The following DST variants were observed in gnomAD, a reference collection of about 807,000 sequenced individuals.
The protein encoded by DST is dystonin.
In DST, 253 loss-of-function variants were observed where a neutral mutation model predicts 875.2. The observed-to-expected ratio is 0.29, with a 90% CI of 0.26 to 0.32. The LOEUF (loss-of-function observed/expected upper bound fraction) is 0.32. Ranked by LOEUF, DST falls within the 10% of genes least tolerant of loss-of-function variation. The pLI, the probability that DST is intolerant of heterozygous loss-of-function variation, is 1.00. For synonymous variants in DST, 3,124 were observed against 3,197.1 expected, an observed-to-expected ratio of 0.98 and a Z score of 0.77; for missense variants, 8,287 against 9,111.6, an observed-to-expected ratio of 0.91 and a Z score of 3.68.
intron 17 of DST, among the ~76,000 whole-genome samples, chr6:56,641,607 C>A (rs565333880): frequency 6.6e-6 from 1 of 152,054 alleles, no homozygotes. Context: ...AAAACAGACA[C>A]TTTTCTTAGA....
intron 66 of DST, 40 bp downstream of exon 66, chr6:56,529,408 G>T: frequency 7.3e-7 from 1 of 1,361,280 alleles, no homozygotes; most frequent in South Asian, 1.9e-5. Context: ...AATGACAATT[G>T]AAATGAAAAA....
At chr6:56,463,903 C>T (rs760990124) in intron 100 of DST, 139 bp from the exon 101 acceptor site, 16 of 894,774 alleles carry the variant, frequency 1.8e-5, no homozygotes, top group African/African-American at 3.3e-5. Flanking sequence ...CATGCCAACT[C>T]CAACTCAGCA....
At chr6:56,845,503 T>C (rs1306349717) in intron 4 of DST, among the ~76,000 whole-genome samples, 1 of 152,258 alleles carries the variant, frequency 6.6e-6, no homozygotes, top group Non-Finnish European at 1.5e-5. Context: ...AATCTGAGTT[T>C]GAACCACTGT....
In DST at chr6:56,497,417, A is replaced by G. The variant is rs1358718257; in HGVS notation, c.20185T>C (p.Leu6729=). Residue 6729 remains leucine, a synonymous_variant, in exon 82 of 104, where the codon TTA becomes CTA. Transcript: ENST00000680361. The part of the protein sequence containing the change: ...HLLASKPLGG[L]PETAKEQLNV... Reference sequence around the variant, plus strand: ...AGCTGCTCCTTGGCTGTTTCCGGTAAACCTCCCAGCGGTTTAGATGCCAAC... The same window carrying G: ...AGCTGCTCCTTGGCTGTTTCCGGTAGACCTCCCAGCGGTTTAGATGCCAAC... 6.2e-7 allele frequency: 1 copy of G among 1,613,084 alleles called. No individual in the cohort carries two copies.
In DST at chr6:56,628,918, G is replaced by A. The variant is rs182717167; in HGVS notation, c.4475+332C>T. Among the ~76,000 whole-genome samples, 4 of 152,248 alleles carry A rather than the reference G, an allele frequency of 2.6e-5. No homozygotes were observed. The East Asian group carries it at 7.7e-4, about 29-fold the overall frequency. ...CTACACACAGCCCTATCACATGCATGCTTCATGCTCTTACTAAGTCATGGT... is the reference window on the plus strand; with the variant it reads ...CTACACACAGCCCTATCACATGCATACTTCATGCTCTTACTAAGTCATGGT... On this transcript the variant is annotated intron_variant, in intron 32 of 103. Transcript: ENST00000680361.
chr6:56,568,484 C>T lies in DST; in HGVS notation c.13990G>A (p.Ala4664Thr), dbSNP rs758278474. 8 of 1,603,606 alleles carry T rather than the reference C, an allele frequency of 5.0e-6. No homozygotes were observed. The East Asian group carries it at 1.6e-4, about 32-fold the overall frequency. Residue 4664 changes from alanine to threonine, a missense_variant, in exon 55 of 104, where the codon GCA becomes ACA. Physicochemically the swap from Ala to Thr is moderately conservative, Grantham distance 58. This residue lies in a region of DST where 1,513 missense variants were observed against 1,677.8 expected (regional missense o/e 0.90). Coordinates refer to ENST00000680361, the MANE Select transcript of DST (RefSeq NM_001374736.1). ...AAGCTCATACCTGATTTAACTGCTGCTATTGCCTTTGCAGGGGTGGTCACA... is the reference window on the plus strand; with the variant it reads ...AAGCTCATACCTGATTTAACTGCTGTTATTGCCTTTGCAGGGGTGGTCACA... ...SAVTTPAKAI[A>T]AVKSGGAVLN...
chr6:56,943,854 C>T (rs151032580), intron 2 of DST, among the ~76,000 whole-genome samples: 74 of 152,160 alleles, frequency 4.9e-4, no homozygotes, highest in African/African-American at 1.6e-3. Context: ...GAGTGGCTCA[C>T]GCATGTAATC....
chr6:56,735,097 C>A lies in DST; in HGVS notation c.687+131G>T, dbSNP rs2099518131. 5 of 709,308 alleles carry A rather than the reference C, an allele frequency of 7.0e-6. No individual in the cohort carries two copies. In the Middle Eastern group the frequency reaches 7.5e-4, roughly 106 times the overall value. 43.9% of individuals were successfully genotyped at this position (709,308 alleles called of 1,614,324 possible). Reference sequence around the variant, plus strand: ...TAATTATAGATGCCTAAAATGCATGCAAAATTCTCTAGAATTTAAACTTTC... The same window carrying A: ...TAATTATAGATGCCTAAAATGCATGAAAAATTCTCTAGAATTTAAACTTTC... On this transcript the variant is annotated intron_variant, in intron 5 of 103. Coordinates refer to ENST00000680361, the MANE Select transcript of DST (RefSeq NM_001374736.1).
intron 55 of DST, among the ~76,000 whole-genome samples, chr6:56,565,892 C>T (rs113512537): frequency 0.039 from 5,866 of 152,258 alleles, 386 homozygotes; most frequent in African/African-American, 0.13. Flanking sequence ...AGATGTCCTG[C>T]CCAAAGAGGA....
chr6:56,614,027 A>G (rs985049258), intron 37 of DST, among the ~76,000 whole-genome samples: 6 of 152,226 alleles, frequency 3.9e-5, no homozygotes, highest in Non-Finnish European at 8.8e-5. Flanking sequence ...TACTCTAGAC[A>G]TAAAACAGAA....
At chr6:56,633,115 T>C in intron 27 of DST, 78 bp from the exon 28 acceptor site, 2 of 1,112,564 alleles carry the variant, frequency 1.8e-6, no homozygotes, top group South Asian at 1.2e-5. Flanking sequence ...ACTGGTCGTG[T>C]GGTATATGCC....
chr6:56,493,149 C>T (rs1257697280), intron 83 of DST, 60 bp from the exon 84 acceptor site: 2 of 1,483,712 alleles, frequency 1.3e-6, no homozygotes, highest in Non-Finnish European at 1.8e-6. Flanking sequence ...TTGTTTGTTT[C>T]AGTTTAAATA....
chr6:56,507,564 C>A (rs1562442046), intron 75 of DST, among the ~76,000 whole-genome samples: 1 of 152,104 alleles, frequency 6.6e-6, no homozygotes, highest in Non-Finnish European at 1.5e-5. Flanking sequence ...GGGTAATGAT[C>A]CAACTGAACC....
At chr6:56,543,198 T>C (rs1230748024) in intron 61 of DST, among the ~76,000 whole-genome samples, 2 of 152,196 alleles carry the variant, frequency 1.3e-5, no homozygotes. Context: ...GGGGGCTACA[T>C]AGGTCCCTAT....
At chr6:56,506,580 A>G (rs372691008) in intron 76 of DST, 36 bp from the exon 77 acceptor site, 1 of 1,608,198 alleles carries the variant, frequency 6.2e-7, no homozygotes, top group African/African-American at 1.3e-5. Flanking sequence ...TTAGTGCCAT[A>G]TTTTAAACTT....
intron 5 of DST, among the ~76,000 whole-genome samples, chr6:56,728,189 C>T (rs1340572881): frequency 2.0e-5 from 3 of 152,146 alleles, no homozygotes; most frequent in Admixed American, 6.5e-5. Flanking sequence ...AGATAGTTCA[C>T]AATTTTATCA....
intron 2 of DST, among the ~76,000 whole-genome samples, chr6:56,925,426 A>AGCCAG (rs1806528963): frequency 6.6e-6 from 1 of 152,256 alleles, no homozygotes; most frequent in Non-Finnish European, 1.5e-5. Context: ...CAGGAGTTAA[A>AGCCAG]GCACACTCTG....
intron 10 of DST, among the ~76,000 whole-genome samples, chr6:56,660,988 A>G (rs2099037953): frequency 1.3e-5 from 2 of 151,916 alleles, no homozygotes; most frequent in South Asian, 4.1e-4. Context: ...CTCACTTCAC[A>G]AAGAACAATC....
chr6:56,619,692 T>C, intron 36 of DST: 1 of 1,614,018 alleles, frequency 6.2e-7, no homozygotes, highest in Non-Finnish European at 8.5e-7. Flanking sequence ...TTACCTGTGG[T>C]TTGATTCAAT....
Sources: gnomAD v4.1 joint callset for allele counts (sites outside exome capture counted in the v4.1 genomes callset) on GRCh38, gnomAD v4.1.1 for gene constraint, gnomAD v4.1.1 regional missense constraint, MANE v1.5 for transcripts, NCBI Gene and HGNC (gene_info 2026-07-23, HGNC 2026-07-21) for gene names.